Variants in CHRDL2 observed in about 807,000 individuals in gnomAD.
CHRDL2 encodes chordin-like protein 2.
In CHRDL2, 41 loss-of-function variants were observed where a neutral mutation model predicts 54.3. That is an observed-to-expected ratio of 0.76 (90% CI 0.59 to 0.98). The LOEUF is 0.98. Among genes scored for constraint, CHRDL2 ranks in the 50% least tolerant of loss-of-function variants. The pLI, the probability that CHRDL2 is intolerant of heterozygous loss-of-function variation, is 0.00. For synonymous variants in CHRDL2, 220 were observed against 224.3 expected (o/e 0.98, Z 0.17); for missense variants, 518 against 562.4 (o/e 0.92, Z 0.80).
chr11:74,700,523 A>G (rs2081965195), intron 9 of CHRDL2, among the ~76,000 whole-genome samples: 1 of 152,118 alleles, frequency 6.6e-6, no homozygotes, highest in Non-Finnish European at 1.5e-5. Flanking sequence ...GGGGCCTATT[A>G]TGCTCCATGT....
At chr11:74,723,813 G>A (rs2034533358) in intron 1 of CHRDL2, among the ~76,000 whole-genome samples, 1 of 152,208 alleles carries the variant, frequency 6.6e-6, no homozygotes, top group Non-Finnish European at 1.5e-5. Context: ...TCAGAATGAT[G>A]TGCAATTTAA....
chr11:74,702,742 G>A, intron 9 of CHRDL2, 52 bp downstream of exon 9: 4 of 1,601,676 alleles, frequency 2.5e-6, no homozygotes, highest in Non-Finnish European at 3.4e-6. Flanking sequence ...CTGGGGCACG[G>A]GAAGGGGGAC....
chr11:74,712,603 G>A (rs1565154373), intron 3 of CHRDL2, among the ~76,000 whole-genome samples: 1 of 152,120 alleles, frequency 6.6e-6, no homozygotes, highest in Non-Finnish European at 1.5e-5. Flanking sequence ...CTCCCCCCTG[G>A]AAAATGAGCC....
intron 1 of CHRDL2, among the ~76,000 whole-genome samples, chr11:74,726,878 A>G (rs1035792058): frequency 2.0e-5 from 3 of 152,206 alleles, no homozygotes; most frequent in Non-Finnish European, 2.9e-5. Flanking sequence ...CTGCACAGGT[A>G]GATGGGGATG....
At chr11:74,727,156 A>G (rs1415612638) in intron 1 of CHRDL2, among the ~76,000 whole-genome samples, 1 of 152,224 alleles carries the variant, frequency 6.6e-6, no homozygotes, top group African/African-American at 2.4e-5. Flanking sequence ...ACTTGAGTCC[A>G]ACCATCTCAC....
At position 74,702,944 on chromosome 11, in the gene CHRDL2, T is replaced by C. The variant is rs1177484702; in HGVS notation, c.970A>G (p.Ser324Gly). ...GGACACCTGGTAGAACTGATCTCAC[T>C]GTGGCCAGGGTCTGCTTTGTCCTCT... ...CPEDKADPGH[S>G]EISSTRCPKA... The change falls in exon 9 of 11, where the codon AGT (serine) becomes GGT (glycine). Residue 324 changes from serine (S) to glycine (G), a missense_variant. Physicochemically the swap from Ser to Gly is moderately conservative, Grantham distance 56. Transcript: ENST00000376332. 1.9e-6 allele frequency: 3 copies of C among 1,613,654 alleles called. No homozygotes were observed. The highest frequency in any genetic ancestry group is 1.7e-5 in the Admixed American group (1 of 59,988).
At chr11:74,697,855 C>T (rs1332872916) in intron 9 of CHRDL2, among the ~76,000 whole-genome samples, 1 of 152,136 alleles carries the variant, frequency 6.6e-6, no homozygotes, top group Non-Finnish European at 1.5e-5. Context: ...GAACTGGTCA[C>T]GCTTTTCTCA....
chr11:74,700,957 A>G (rs1030294499), intron 9 of CHRDL2: 3 of 152,154 alleles, frequency 2.0e-5, no homozygotes, highest in Admixed American at 2.0e-4. Flanking sequence ...TTAAGGCTCA[A>G]AAAATTTTAA....
chr11:74,697,972 G>C (rs528142271), intron 9 of CHRDL2, among the ~76,000 whole-genome samples: 4 of 152,224 alleles, frequency 2.6e-5, no homozygotes, highest in Admixed American at 1.3e-4. Context: ...CCCTAACCAA[G>C]TACTTGACGT....
In CHRDL2 at chr11:74,704,597, G is replaced by A; in HGVS notation, c.640C>T (p.Pro214Ser). Reference sequence around the variant, plus strand: ...GGGGCGCTGAGGCCAGTGGGGGCTGGGGTGCCCGGGCCTCTCTTTCTCCCA... The same window carrying A: ...GGGGCGCTGAGGCCAGTGGGGGCTGAGGTGCCCGGGCCTCTCTTTCTCCCA... ...DAGRKRGPGT[P>S]APTGLSAPLS... The change falls in exon 7 of 11, where the codon CCA (proline) becomes TCA (serine). Residue 214 changes from proline to serine, a missense_variant. Pro to Ser is a moderately conservative substitution (Grantham distance 74). Transcript: ENST00000376332. The A allele has an allele frequency of 3.1e-6, 5 of 1,600,796 alleles. No homozygotes were observed. Among genetic ancestry groups the A allele is most frequent in the Admixed American group, 3.5e-5 (2 of 57,644 alleles).
At chr11:74,702,057 T>C (rs768405444) in intron 9 of CHRDL2, among the ~76,000 whole-genome samples, 49 of 152,026 alleles carry the variant, frequency 3.2e-4, no homozygotes, top group Non-Finnish European at 5.0e-4. Flanking sequence ...AGTTCCAGAC[T>C]AGCCTGGGCA....
chr11:74,697,224 C>G lies in CHRDL2; in HGVS notation c.1194G>C (p.Leu398=). 6.2e-7 allele frequency: 1 copy of G among 1,613,806 alleles called. No individual in the cohort carries two copies. Among genetic ancestry groups the G allele is most frequent in the South Asian group, 1.1e-5 (1 of 91,076 alleles). The change falls in exon 10 of 11, where the codon CTG becomes CTC. Residue 398 remains leucine, a synonymous_variant. Transcript: ENST00000376332. The part of the protein sequence containing the change: ...DFQKEAQHFR[L]LAGPHEGHWN... ...TCCTACCTTCGTGGGGGCCAGCGAGCAGTCGGAAGTGCTGTGCCTCTTTCT... is the reference window on the plus strand; with the variant it reads ...TCCTACCTTCGTGGGGGCCAGCGAGGAGTCGGAAGTGCTGTGCCTCTTTCT...
At chr11:74,707,236 G>A (rs2034039954) in intron 5 of CHRDL2, among the ~76,000 whole-genome samples, 1 of 152,210 alleles carries the variant, frequency 6.6e-6, no homozygotes, top group African/African-American at 2.4e-5. Context: ...CACAACTGAG[G>A]CCCAGAGAAG....
chr11:74,729,278 C>T (rs965769432), intron 1 of CHRDL2, among the ~76,000 whole-genome samples: 4 of 152,214 alleles, frequency 2.6e-5, no homozygotes, highest in Admixed American at 6.5e-5. Context: ...TAGGAGGAAA[C>T]CCTCAGGGTT....
chr11:74,727,789 A>G (rs1319362912), intron 1 of CHRDL2, among the ~76,000 whole-genome samples: 1 of 152,112 alleles, frequency 6.6e-6, no homozygotes. Context: ...CTAGACACCT[A>G]CAAGGGACAA....
chr11:74,722,603 C>T (rs765961350), intron 1 of CHRDL2, among the ~76,000 whole-genome samples: 5 of 152,026 alleles, frequency 3.3e-5, no homozygotes, highest in Non-Finnish European at 5.9e-5. Context: ...TAGTTTGTTT[C>T]CTGTGGTGTT....
At chr11:74,703,563 C>G (rs1174688098) in intron 7 of CHRDL2, 64 bp from the exon 8 acceptor site, 1 of 1,418,546 alleles carries the variant, frequency 7.0e-7, no homozygotes, top group African/African-American at 1.4e-5. Flanking sequence ...GCCTCTGGTC[C>G]AGCAGCGGGT....
At chr11:74,710,084 T>C (rs928818859) in intron 4 of CHRDL2, among the ~76,000 whole-genome samples, 23 of 151,716 alleles carry the variant, frequency 1.5e-4, no homozygotes, top group African/African-American at 5.3e-4. Flanking sequence ...GGCGTGGTGG[T>C]GGGCGCCTGT....
intron 1 of CHRDL2, among the ~76,000 whole-genome samples, chr11:74,721,095 C>T (rs563484257): frequency 4.6e-5 from 7 of 152,314 alleles, no homozygotes; most frequent in East Asian, 3.9e-4. Flanking sequence ...CAGCAAGGCC[C>T]GGCTGGCCCG....
Sources: gnomAD v4.1 joint callset for allele counts (sites outside exome capture counted in the v4.1 genomes callset) on GRCh38, gnomAD v4.1.1 for gene constraint, MANE v1.5 for transcripts, NCBI Gene and HGNC (gene_info 2026-07-23, HGNC 2026-07-21) for gene names.